Variants in UGT1A9 observed in about 807,000 individuals in gnomAD.
UGT1A9 encodes the protein UDP glucuronosyltransferase family 1 member A9, also known as UDP-glucuronosyltransferase 1A9.
Under a neutral mutation model 45.0 loss-of-function variants are expected in UGT1A9, and 35 were observed. The ratio of observed to expected loss-of-function variants is 0.78; its 90% confidence interval spans 0.59 to 1.03. The LOEUF (loss-of-function observed/expected upper bound fraction) is 1.03. Ranked by LOEUF, UGT1A9 falls within the 50% of genes least tolerant of loss-of-function variation. The pLI, the probability that UGT1A9 is intolerant of heterozygous loss-of-function variation, is 0.00. For synonymous variants in UGT1A9, 278 were observed against 250.6 expected (o/e 1.11, Z -1.03); for missense variants, 687 against 666.6 (o/e 1.03, Z -0.34).
At chr2:233,710,619 T>C (rs1407259105) in intron 1 of UGT1A9, among the ~76,000 whole-genome samples, 1 of 152,230 alleles carries the variant, frequency 6.6e-6, no homozygotes, top group Non-Finnish European at 1.5e-5. Flanking sequence ...TCTTCTTATA[T>C]TTGAGTAGTG....
intron 1 of UGT1A9, among the ~76,000 whole-genome samples, chr2:233,681,633 G>A (rs760827238): frequency 1.3e-5 from 2 of 149,978 alleles, no homozygotes; most frequent in Non-Finnish European, 2.9e-5. Flanking sequence ...TTTCAATGTC[G>A]TCAAGGCCAA....
rs375974892 is a variant in UGT1A9 at position 233,760,864 on chromosome 2, G to A, written c.856-6170G>A. The A allele has an allele frequency of 8.0e-5, 129 of 1,613,862 alleles. No individual in the cohort carries two copies. Among genetic ancestry groups the A allele is most frequent in the Non-Finnish European group, 9.2e-5 (109 of 1,179,976 alleles). ...CCAGTGCCCCAACCCATTCTCCTAC[G>A]TGCCCAGGCCTCTCTCCTCTCATTC... is the stretch of plus-strand genomic sequence containing the variant. On this transcript the variant is annotated intron_variant, in intron 1 of 4. Coordinates refer to ENST00000354728, the MANE Select transcript of UGT1A9 (RefSeq NM_021027.3).
At position 233,743,837 on chromosome 2, in the gene UGT1A9, G is replaced by A. The variant is rs371252305; in HGVS notation, c.856-23197G>A. On this transcript the variant is annotated intron_variant, in intron 1 of 4. Coordinates refer to ENST00000354728, the MANE Select transcript of UGT1A9 (RefSeq NM_021027.3). Reference sequence around the variant, plus strand: ...GTTTTTGTCGGGGTGCCACTTGAGCGCCAGCTTGCGGTACGCCTTCTTGAT... The same window carrying A: ...GTTTTTGTCGGGGTGCCACTTGAGCACCAGCTTGCGGTACGCCTTCTTGAT... 45 of 1,367,128 alleles carry A rather than the reference G, an allele frequency of 3.3e-5. No homozygotes were observed. The African/African-American group carries it at 3.6e-4, about 11-fold the overall frequency. 84.7% of individuals were successfully genotyped at this position (1,367,128 alleles called of 1,614,324 possible). A position where few individuals can be genotyped will look rare whatever the true frequency, so the allele number is the denominator to read the frequency against.
At chr2:233,748,647 C>A (rs1378497880) in intron 1 of UGT1A9, among the ~76,000 whole-genome samples, 4 of 151,722 alleles carry the variant, frequency 2.6e-5, no homozygotes, top group African/African-American at 9.7e-5. Flanking sequence ...GAATTACACA[C>A]TGAGTTCAGT....
At chr2:233,718,222 C>T (rs1241486785) in intron 1 of UGT1A9, among the ~76,000 whole-genome samples, 1 of 152,182 alleles carries the variant, frequency 6.6e-6, no homozygotes, top group Non-Finnish European at 1.5e-5. Context: ...ACAGCCACTT[C>T]AGAGAGAGTC....
At chr2:233,728,480 C>T (rs1317741863) in intron 1 of UGT1A9, among the ~76,000 whole-genome samples, 1 of 152,156 alleles carries the variant, frequency 6.6e-6, no homozygotes, top group Non-Finnish European at 1.5e-5. Context: ...ATCTGATCAT[C>T]ACATCTTGAG....
chr2:233,747,307 C>T (rs1472274155), intron 1 of UGT1A9: 68 of 1,602,316 alleles, frequency 4.2e-5, no homozygotes, highest in Admixed American at 3.8e-4. Flanking sequence ...TGGGAAGGTG[C>T]TGGTGGTACC....
chr2:233,761,175 ACATG>A lies in UGT1A9; in HGVS notation c.856-5857_856-5854del, dbSNP rs768058244. The A allele has an allele frequency of 9.3e-6, 15 of 1,614,212 alleles. No homozygotes were observed. In the African/African-American group the frequency reaches 1.9e-4, roughly 20 times the overall value. On this transcript the variant is annotated intron_variant, in intron 1 of 4. Coordinates refer to ENST00000354728, the MANE Select transcript of UGT1A9 (RefSeq NM_021027.3). ...AGGTGTGTATTGGAGTGGGACTTTT[ACATG>A]CGTATATTCTTTCAGATGTATTACT... is the stretch of plus-strand genomic sequence containing the variant.
At chr2:233,716,297 A>G (rs1181187909) in intron 1 of UGT1A9, among the ~76,000 whole-genome samples, 1 of 152,154 alleles carries the variant, frequency 6.6e-6, no homozygotes, top group Non-Finnish European at 1.5e-5. Flanking sequence ...CACATCTATA[A>G]AGTCTCTTCC....
rs1297199305 is a variant in UGT1A9, at chr2:233,749,242, C to T, written c.856-17792C>T. 1.3e-5 allele frequency among the ~76,000 whole-genome samples: 2 copies of T among 151,678 alleles called. 1 individual carries two copies. Among genetic ancestry groups the T allele is most frequent in the Admixed American group, 1.3e-4 (2 of 15,250 alleles). ...TAAGCTTCATTTTTTAAAATCAAACCACATGATTTTTTTATTGGTGATTTT... is the reference window on the plus strand; with the variant it reads ...TAAGCTTCATTTTTTAAAATCAAACTACATGATTTTTTTATTGGTGATTTT... On this transcript the variant is annotated intron_variant, in intron 1 of 4. Transcript: ENST00000354728.
intron 1 of UGT1A9, chr2:233,681,750 A>C: frequency 1.2e-6 from 1 of 816,034 alleles, no homozygotes; most frequent in Non-Finnish European, 1.5e-6. Context: ...ACATATAAGC[A>C]GGTATCTCAG....
intron 1 of UGT1A9, among the ~76,000 whole-genome samples, chr2:233,695,121 T>TTTTATTTTC (rs2075260818): frequency 9.6e-6 from 1 of 103,914 alleles, no homozygotes. Flanking sequence ...TAACCAACCC[T>TTTTATTTTC]TTTCTTTTCT....
At chr2:233,749,097 G>C (rs753925486) in intron 1 of UGT1A9, among the ~76,000 whole-genome samples, 1 of 151,770 alleles carries the variant, frequency 6.6e-6, no homozygotes, top group Non-Finnish European at 1.5e-5. Context: ...TATTTCATGA[G>C]AGAATTCAGC....
At chr2:233,736,386 G>A (rs2078758058) in intron 1 of UGT1A9, among the ~76,000 whole-genome samples, 1 of 152,142 alleles carries the variant, frequency 6.6e-6, no homozygotes, top group South Asian at 2.1e-4. Context: ...CTTCTCTACA[G>A]TGTTTATTCT....
chr2:233,684,912 C>T (rs1330280300), intron 1 of UGT1A9, among the ~76,000 whole-genome samples: 1 of 151,772 alleles, frequency 6.6e-6, no homozygotes, highest in East Asian at 1.9e-4. Flanking sequence ...TTTTTTGTAC[C>T]TTGTTAGACA....
chr2:233,682,538 A>G, intron 1 of UGT1A9: 6 of 1,613,908 alleles, frequency 3.7e-6, no homozygotes, highest in Non-Finnish European at 5.1e-6. Flanking sequence ...CTCAGACGCC[A>G]TGACTTTCAA....
At chr2:233,707,694 T>C (rs28899183) in intron 1 of UGT1A9, among the ~76,000 whole-genome samples, 3,269 of 152,332 alleles carry the variant, frequency 0.021, 116 homozygotes, top group African/African-American at 0.073. Context: ...CTTTGGGTTG[T>C]ATCTAGCTTT....
chr2:233,694,905 A>G (rs749639379), intron 1 of UGT1A9, among the ~76,000 whole-genome samples: 11 of 152,192 alleles, frequency 7.2e-5, no homozygotes, highest in Non-Finnish European at 1.3e-4. Context: ...ATTTTGATAC[A>G]CGTATACAAT....
intron 1 of UGT1A9, chr2:233,721,745 AATCTAC>A: frequency 2.3e-6 from 1 of 440,284 alleles, no homozygotes; most frequent in Non-Finnish European, 4.5e-6. Flanking sequence ...ATGATGAGAG[AATCTAC>A]ATCTAAATTG....
Sources: gnomAD v4.1 joint callset for allele counts (sites outside exome capture counted in the v4.1 genomes callset) on GRCh38, gnomAD v4.1.1 for gene constraint, MANE v1.5 for transcripts, NCBI Gene and HGNC (gene_info 2026-07-23, HGNC 2026-07-21) for gene names.